Variants in PDE1C observed in about 807,000 individuals in gnomAD.
The protein encoded by PDE1C is dual specificity calcium/calmodulin-dependent 3',5'-cyclic nucleotide phosphodiesterase 1C.
PDE1C carries 62 observed loss-of-function variants against 93.1 expected under a neutral mutation model. That is an observed-to-expected ratio of 0.67 (90% CI 0.54 to 0.82). The LOEUF (loss-of-function observed/expected upper bound fraction) is 0.82, where lower values mean the gene tolerates loss of function less well. PDE1C is among the 40% of genes least tolerant of loss of function. The probability of loss-of-function intolerance (pLI) is 0.00; values close to 1 mark genes in which losing one functional copy is unlikely to be tolerated. For synonymous variants in PDE1C, 325 were observed against 310.1 expected (o/e 1.05, Z -0.50); for missense variants, 742 against 884.6 (o/e 0.84, Z 2.04).
chr7:31,739,668 C>T, the PDE1C span, among the ~76,000 whole-genome samples: 1 of 152,116 alleles, frequency 6.6e-6, no homozygotes, highest in Non-Finnish European at 1.5e-5. Flanking sequence ...AAGCCCAGTG[C>T]ACGAGTGGAG....
chr7:31,654,387 T>C, the PDE1C span, among the ~76,000 whole-genome samples: 4 of 152,198 alleles, frequency 2.6e-5, no homozygotes, highest in Non-Finnish European at 5.9e-5. Flanking sequence ...GGTCAGACTA[T>C]AGGCCATGAC....
chr7:32,407,326 T>C (rs1398832403), intron 1 of PDE1C, among the ~76,000 whole-genome samples: 2 of 152,114 alleles, frequency 1.3e-5, no homozygotes, highest in African/African-American at 2.4e-5. Flanking sequence ...AATTGTGTTA[T>C]ATCCAAATTT....
intron 1 of PDE1C, among the ~76,000 whole-genome samples, chr7:32,250,684 C>T (rs547746229): frequency 1.7e-3 from 252 of 152,314 alleles, no homozygotes; most frequent in African/African-American, 5.5e-3. Context: ...GAAGCAACAG[C>T]GCACAGCCCC....
At chr7:32,334,192 A>G (rs940336203) in intron 1 of PDE1C, among the ~76,000 whole-genome samples, 62 of 152,298 alleles carry the variant, frequency 4.1e-4, no homozygotes, top group African/African-American at 1.4e-3. Flanking sequence ...ACCATTGACA[A>G]TACATAATTA....
intron 1 of PDE1C, among the ~76,000 whole-genome samples, chr7:32,358,881 T>TTG (rs66808716): frequency 0.61 from 89,031 of 146,936 alleles, 28,231 homozygotes; most frequent in Admixed American, 0.75. Flanking sequence ...TCATCTAACA[T>TTG]TGTGTGTGTG....
intron 17 of PDE1C, among the ~76,000 whole-genome samples, chr7:31,763,467 A>G (rs1220095786): frequency 6.6e-6 from 1 of 152,212 alleles, no homozygotes; most frequent in East Asian, 1.9e-4. Context: ...TATGAAAAAA[A>G]CCATGGGCTT....
Position 32,348,468 on chromosome 7 carries a change from C to T in PDE1C, c.310+79354G>A, listed in dbSNP as rs141126527. On this transcript the variant is annotated intron_variant, in intron 1 of 1. Coordinates refer to the PDE1C transcript ENST00000672256. ...CAAGCTCTGTCCACCAGGTTCATGC[C>T]ATTCTCCTGCCTCAGCCTCCCAGGT... Among the ~76,000 whole-genome samples, 37 of 148,834 alleles carry T rather than the reference C, an allele frequency of 2.5e-4. No individual in the cohort carries two copies. The East Asian group carries it at 7.0e-3, about 28-fold the overall frequency.
At chr7:32,391,393 C>A (rs1409225448) in intron 1 of PDE1C, among the ~76,000 whole-genome samples, 1 of 152,108 alleles carries the variant, frequency 6.6e-6, no homozygotes, top group Non-Finnish European at 1.5e-5. Flanking sequence ...GACAACTCAA[C>A]AGTAGTAGTT....
chr7:32,131,740 C>T (rs1799929732), intron 3 of PDE1C, among the ~76,000 whole-genome samples: 1 of 152,128 alleles, frequency 6.6e-6, no homozygotes, highest in African/African-American at 2.4e-5. Context: ...AGAGACATTG[C>T]CTTCCAAATG....
rs1191572385 is a variant in PDE1C at position 32,412,285 on chromosome 7, GT to G, written c.310+15536del. 2.6e-5 allele frequency among the ~76,000 whole-genome samples: 4 copies of G among 151,702 alleles called. No individual in the cohort carries two copies. The South Asian group carries it at 6.2e-4, about 24-fold the overall frequency. ...GCCTGGCCAACATGGTGAGACCCCT[GT>G]TTATACTAAAAATACAAAAATTAGC... On this transcript the variant is annotated intron_variant, in intron 1 of 1. Coordinates refer to the PDE1C transcript ENST00000672256.
chr7:32,049,007 C>T (rs1792988648), intron 2 of PDE1C, among the ~76,000 whole-genome samples: 1 of 152,186 alleles, frequency 6.6e-6, no homozygotes, highest in African/African-American at 2.4e-5. Context: ...TCTTGTAAAA[C>T]TTCCTCTCAC....
At chr7:32,350,333 C>G (rs571836228) in intron 1 of PDE1C, among the ~76,000 whole-genome samples, 1 of 152,182 alleles carries the variant, frequency 6.6e-6, no homozygotes, top group African/African-American at 2.4e-5. Context: ...ACTTTATGTT[C>G]TAGAGTATGT....
At chr7:32,035,368 G>A (rs1790910014) in intron 2 of PDE1C, among the ~76,000 whole-genome samples, 2 of 152,122 alleles carry the variant, frequency 1.3e-5, no homozygotes, top group African/African-American at 4.8e-5. Flanking sequence ...GTCTGTAAGA[G>A]AGAGTGCTCC....
Position 31,985,633 on chromosome 7 carries a change from T to C in PDE1C, c.128+65921A>G, listed in dbSNP as rs577161851. ...TCCCCGCCCTGTGTCTAAGTGTTCT[T>C]ATTGTTCAGTTCCCACCTATGAGTG... On this transcript the variant is annotated intron_variant, in intron 2 of 17. Transcript: ENST00000396191. Among the ~76,000 whole-genome samples the C allele has an allele frequency of 5.3e-5, 8 of 152,084 alleles. No individual in the cohort carries two copies. The South Asian group carries it at 1.5e-3, about 28-fold the overall frequency.
In PDE1C at chr7:31,984,472, G is replaced by A. The variant is rs796509899; in HGVS notation, c.128+67082C>T. On this transcript the variant is annotated intron_variant, in intron 2 of 17. Transcript: ENST00000396191. ...CTGGATGCAGTTCACCACCCACAGT[G>A]CCTCAAAGTCGCTCCTTGTTTTCTC... Among the ~76,000 whole-genome samples the A allele has an allele frequency of 5.2e-4, 79 of 152,252 alleles. 1 individual carries two copies. Among genetic ancestry groups the A allele is most frequent in the African/African-American group, 1.9e-3 (77 of 41,560 alleles).
intron 3 of PDE1C, among the ~76,000 whole-genome samples, chr7:32,088,590 C>T (rs1273579363): frequency 6.6e-6 from 1 of 152,264 alleles, no homozygotes; most frequent in Non-Finnish European, 1.5e-5. Context: ...TCAGACGACG[C>T]TTTGCTGGCA....
At chr7:32,291,076 T>C (rs1478329328) in intron 1 of PDE1C, among the ~76,000 whole-genome samples, 1 of 152,242 alleles carries the variant, frequency 6.6e-6, no homozygotes, top group African/African-American at 2.4e-5. Flanking sequence ...GAGTGCTTGA[T>C]GTGTATTAAC....
At chr7:32,150,107 G>A (rs1801148053) in intron 3 of PDE1C, among the ~76,000 whole-genome samples, 1 of 152,190 alleles carries the variant, frequency 6.6e-6, no homozygotes, top group Non-Finnish European at 1.5e-5. Flanking sequence ...ACACAGCTCT[G>A]CAGAACTGAC....
chr7:31,736,732 A>T, the PDE1C span, among the ~76,000 whole-genome samples: 1 of 152,192 alleles, frequency 6.6e-6, no homozygotes, highest in Non-Finnish European at 1.5e-5. Flanking sequence ...CTCACAGATA[A>T]AAATGTTATA....
Sources: gnomAD v4.1 joint callset for allele counts (sites outside exome capture counted in the v4.1 genomes callset) on GRCh38, gnomAD v4.1.1 for gene constraint, MANE v1.5 for transcripts, NCBI Gene and HGNC (gene_info 2026-07-23, HGNC 2026-07-21) for gene names.